CDKL3: variants seen among roughly 807,000 people sequenced by gnomAD.
CDKL3 encodes the protein cyclin-dependent kinase-like 3.
In CDKL3, 65 loss-of-function variants were observed where a neutral mutation model predicts 69.3. The observed-to-expected ratio is 0.94, with a 90% CI of 0.77 to 1.15. The LOEUF (loss-of-function observed/expected upper bound fraction) is 1.15, where lower values mean the gene tolerates loss of function less well. Among genes scored for constraint, CDKL3 ranks in the 50% most tolerant of loss-of-function variants. The pLI is 0.00. For synonymous variants in CDKL3, 202 were observed against 221.6 expected (o/e 0.91, Z 0.79); for missense variants, 652 against 689.2 (o/e 0.95, Z 0.61).
chr5:134,290,065 C>G (rs1490177141), intron 8 of CDKL3, among the ~76,000 whole-genome samples: 1 of 152,028 alleles, frequency 6.6e-6, no homozygotes, highest in Admixed American at 6.6e-5. Flanking sequence ...GACGTTAAAA[C>G]TTTGCCTTGG....
chr5:134,318,698 G>C (rs1223004242), intron 6 of CDKL3, among the ~76,000 whole-genome samples: 2 of 151,984 alleles, frequency 1.3e-5, no homozygotes, highest in Non-Finnish European at 2.9e-5. Flanking sequence ...TGTTGGCCAG[G>C]ATGGTCTTGA....
Position 134,357,311 on chromosome 5 carries a change from G to A in CDKL3, c.360+2586C>T, listed in dbSNP as rs547148086. Among the ~76,000 whole-genome samples, 11 of 152,224 alleles carry A rather than the reference G, an allele frequency of 7.2e-5. No homozygotes were observed. The South Asian group carries it at 2.3e-3, about 32-fold the overall frequency. ...ATACAAAAATTAGCCGGGCATGATG[G>A]CACGCACCTGTAAACCCAGTTACTT... On this transcript the variant is annotated intron_variant, in intron 3 of 12. Coordinates refer to ENST00000265334, the MANE Select transcript of CDKL3 (RefSeq NM_001113575.2).
At chr5:134,371,206 C>T (rs547360196), upstream of CDKL3, 1 of 291,886 alleles carries the variant, frequency 3.4e-6, no homozygotes, top group South Asian at 3.3e-5. Context: ...CCCGCCGAGC[C>T]TAAACTAGTG....
At position 134,335,094 on chromosome 5, in the gene CDKL3, T is replaced by C. The variant is rs986796128; in HGVS notation, c.540-13191A>G. On this transcript the variant is annotated intron_variant, in intron 4 of 12. Coordinates refer to ENST00000265334, the MANE Select transcript of CDKL3 (RefSeq NM_001113575.2). ...GGCCTTCTTTGTCTCTTTTCATCTT[T>C]GTTAGTTTAAAGTCTGTTTTATCAG... 3.3e-5 allele frequency among the ~76,000 whole-genome samples: 5 copies of C among 152,016 alleles called. 1 individual carries two copies. The East Asian group carries it at 9.6e-4, about 29-fold the overall frequency.
At position 134,293,002 on chromosome 5, in the gene CDKL3, C is replaced by CTTTTTTTTT. The variant is rs558156596; in HGVS notation, c.*678-6452_*678-6444dup. ...GCCCTGTTGGCCTCACTGCCAATTT[C>CTTTTTTTTT]TTTTTTTTTTTTTTTTTTTTTTTTT... is the stretch of plus-strand genomic sequence containing the variant. On this transcript the variant is annotated intron_variant and NMD_transcript_variant, in intron 8 of 8. Coordinates refer to the CDKL3 transcript ENST00000519312. Among the ~76,000 whole-genome samples, 112 of 43,914 alleles carry CTTTTTTTTT rather than the reference C, an allele frequency of 2.6e-3. 16 individuals are homozygous for CTTTTTTTTT. The highest frequency in any genetic ancestry group is 5.1e-3 in the East Asian group (5 of 982). 28.8% of individuals were successfully genotyped at this position (43,914 alleles called of 152,430 possible). A position where few individuals can be genotyped will look rare whatever the true frequency, so the allele number is the denominator to read the frequency against.
rs1266502266 is a variant in CDKL3 at position 134,308,160 on chromosome 5, T to C, written c.1342A>G (p.Asn448Asp). The C allele has an allele frequency of 1.2e-6, 2 of 1,613,052 alleles. No individual in the cohort carries two copies. The highest frequency in any genetic ancestry group is 1.1e-5 in the South Asian group (1 of 90,938). ...SNLMAANLSS[N>D]LFHPSVRLTE... ...CACCTCACACTGGGGTGAAAGAGAT[T>C]TGAACTGAGATTTGCAGCCATCAAA... The change falls in exon 9 of 13, where the codon AAT becomes GAT. Residue 448 changes from asparagine (N) to aspartate (D), a missense_variant. By Grantham distance (23) the Asn-to-Asp change is conservative. Transcript: ENST00000265334.
chr5:134,353,534 C>G (rs78232938), intron 3 of CDKL3, among the ~76,000 whole-genome samples: 3 of 151,058 alleles, frequency 2.0e-5, no homozygotes, highest in Admixed American at 6.6e-5. Flanking sequence ...ATTTTAAAAT[C>G]AGATGTGTGA....
At chr5:134,326,294 G>A (rs866073206) in intron 4 of CDKL3, among the ~76,000 whole-genome samples, 2 of 152,092 alleles carry the variant, frequency 1.3e-5, no homozygotes, top group South Asian at 2.1e-4. Context: ...GACAGACCAC[G>A]TCTAGTTAAT....
upstream of CDKL3, chr5:134,371,513 G>A (rs1758407083): frequency 6.5e-7 from 1 of 1,542,472 alleles, no homozygotes; most frequent in Non-Finnish European, 8.8e-7. Context: ...GCGATCCACA[G>A]TGATTCGGCC....
At chr5:134,370,891 A>T (rs1424214277), upstream of CDKL3, 1 of 152,564 alleles carries the variant, frequency 6.6e-6, no homozygotes, top group East Asian at 1.9e-4. Flanking sequence ...CAAGCTGTTG[A>T]TTCTGCCATG....
intron 3 of CDKL3, among the ~76,000 whole-genome samples, chr5:134,354,783 C>T (rs1318287732): frequency 6.6e-6 from 1 of 152,028 alleles, no homozygotes; most frequent in Non-Finnish European, 1.5e-5. Flanking sequence ...CCCGTCTCTA[C>T]TAAAAATACA....
intron 2 of CDKL3, among the ~76,000 whole-genome samples, chr5:134,364,519 CTT>C (rs999846653): frequency 6.8e-6 from 1 of 147,468 alleles, no homozygotes; most frequent in African/African-American, 2.5e-5. Flanking sequence ...TCTTTCATGT[CTT>C]TTTTTTTTTA....
upstream of CDKL3, among the ~76,000 whole-genome samples, chr5:134,369,049 G>A: frequency 6.6e-6 from 1 of 152,096 alleles, no homozygotes; most frequent in Admixed American, 6.6e-5. Context: ...AATTTGCCCA[G>A]GACAAAGATG....
Position 134,312,344 on chromosome 5 carries a change from A to G in CDKL3, c.829T>C (p.Ser277Pro). Residue 277 changes from serine to proline, a missense_variant, in exon 7 of 13, where the codon TCT (serine) becomes CCT (proline). By Grantham distance (74) the Ser-to-Pro change is moderately conservative (BLOSUM62 -1). Coordinates refer to ENST00000265334, the MANE Select transcript of CDKL3 (RefSeq NM_001113575.2). ...LQIDPADRISSSDLLHHEYFT... is the reference protein window; with the variant it reads ...LQIDPADRISPSDLLHHEYFT... ...TACTCATGATGCAAAAGATCACTAG[A>G]TGATATCCTGTCAGCAGGATCAATT... 6.2e-7 allele frequency: 1 copy of G among 1,600,972 alleles called. No homozygotes were observed. Among genetic ancestry groups the G allele is most frequent in the Non-Finnish European group, 8.5e-7 (1 of 1,174,382 alleles).
intron 4 of CDKL3, among the ~76,000 whole-genome samples, chr5:134,327,162 G>A (rs955491818): frequency 6.6e-6 from 1 of 152,052 alleles, no homozygotes; most frequent in Non-Finnish European, 1.5e-5. Flanking sequence ...TTAGTGTCAA[G>A]AGGAGGGAGA....
chr5:134,313,873 C>G (rs1404548569), intron 6 of CDKL3, among the ~76,000 whole-genome samples: 2 of 151,960 alleles, frequency 1.3e-5, no homozygotes, highest in Admixed American at 6.6e-5. Context: ...TGTGGTGGCT[C>G]ATGCGTGTAA....
At chr5:134,343,608 C>T (rs1751083302) in intron 4 of CDKL3, among the ~76,000 whole-genome samples, 1 of 152,188 alleles carries the variant, frequency 6.6e-6, no homozygotes, top group Admixed American at 6.5e-5. Context: ...TAAACTGCTC[C>T]TAAGATCAGT....
At chr5:134,297,696 T>C (rs1580764365), downstream of CDKL3, among the ~76,000 whole-genome samples, 1 of 149,026 alleles carries the variant, frequency 6.7e-6, no homozygotes, top group African/African-American at 2.5e-5. Context: ...ATTCTCGTGC[T>C]TCAGCCTCCC....
intron 5 of CDKL3, among the ~76,000 whole-genome samples, chr5:134,320,313 A>C (rs1029647984): frequency 2.6e-5 from 4 of 152,150 alleles, no homozygotes; most frequent in Non-Finnish European, 5.9e-5. Context: ...CCTCATCCAC[A>C]AATAATAAAA....
Sources: gnomAD v4.1 joint callset for allele counts (sites outside exome capture counted in the v4.1 genomes callset) on GRCh38, gnomAD v4.1.1 for gene constraint, MANE v1.5 for transcripts, NCBI Gene and HGNC (gene_info 2026-07-23, HGNC 2026-07-21) for gene names.